ASPH: variants seen among roughly 807,000 people sequenced by gnomAD.
ASPH encodes the protein aspartyl/asparaginyl beta-hydroxylase.
Under a neutral mutation model 118.4 loss-of-function variants are expected in ASPH, and 100 were observed. That is an observed-to-expected ratio of 0.84 (90% CI 0.72 to 1.00). ASPH has a LOEUF of 1.00. ASPH is among the 50% of genes least tolerant of loss of function. The pLI is 0.00. For missense variants in ASPH, 920 were observed against 919.5 expected (o/e 1.00, Z -0.01); for synonymous variants, 315 against 325.6 (o/e 0.97, Z 0.35).
At position 61,706,017 on chromosome 8, in the gene ASPH, T is replaced by C. The variant is rs185480447; in HGVS notation, c.103+8252A>G. 6.9e-3 allele frequency among the ~76,000 whole-genome samples: 1,057 copies of C among 152,314 alleles called. 11 individuals are homozygous for C. Among genetic ancestry groups the C allele is most frequent in the African/African-American group, 0.024 (1,012 of 41,570 alleles). On this transcript the variant is annotated intron_variant, in intron 1 of 24. Coordinates refer to ENST00000379454, the MANE Select transcript of ASPH (RefSeq NM_004318.4). ...TTTAAGTTTCATTAAAAAATGTTAA[T>C]TTAAAAATACTATTGAAAATGTTTT...
rs5891814 is a variant in ASPH at position 61,590,550 on chromosome 8, C to CTGTGTGTG, written c.977-6529_977-6522dup. On this transcript the variant is annotated intron_variant, in intron 14 of 24. Coordinates refer to ENST00000379454, the MANE Select transcript of ASPH (RefSeq NM_004318.4). ...ATTAAATACGGACCTTAATTTAACT[C>CTGTGTGTG]TGTGTGTGTGTGTGTGTGTGTGTGT... Among the ~76,000 whole-genome samples, 69 of 146,798 alleles carry CTGTGTGTG rather than the reference C, an allele frequency of 4.7e-4. 1 individual carries two copies. The highest frequency in any genetic ancestry group is 1.3e-3 in the African/African-American group (52 of 39,514).
intron 5 of ASPH, 140 bp from the exon 6 acceptor site, chr8:61,647,018 TC>T: frequency 1.8e-6 from 2 of 1,092,540 alleles, no homozygotes; most frequent in Non-Finnish European, 2.6e-6. Flanking sequence ...CATTGTCCAC[TC>T]CACAGCTATT....
chr8:61,658,642 T>G (rs1219869175), intron 3 of ASPH: 2 of 152,188 alleles, frequency 1.3e-5, no homozygotes, highest in African/African-American at 4.8e-5. Context: ...ATAATTTAAA[T>G]AAGTATTTTT....
intron 1 of ASPH, among the ~76,000 whole-genome samples, chr8:61,694,839 G>T (rs777240697): frequency 5.9e-5 from 9 of 152,032 alleles, no homozygotes; most frequent in Non-Finnish European, 1.3e-4. Flanking sequence ...CTCAAATTCC[G>T]CATATACACA....
chr8:61,569,654 G>A (rs1345595164), intron 16 of ASPH, among the ~76,000 whole-genome samples: 2 of 152,038 alleles, frequency 1.3e-5, no homozygotes, highest in Non-Finnish European at 2.9e-5. Context: ...CCAAGATGAT[G>A]AGAACTAGAA....
At chr8:61,652,720 A>G (rs142093513) in intron 4 of ASPH, among the ~76,000 whole-genome samples, 1 of 152,196 alleles carries the variant, frequency 6.6e-6, no homozygotes. Flanking sequence ...AAACTTTTTA[A>G]AAGTTACTAT....
chr8:61,524,793 A>G (rs1279307452), intron 22 of ASPH, among the ~76,000 whole-genome samples: 3 of 151,046 alleles, frequency 2.0e-5, no homozygotes, highest in Non-Finnish European at 4.4e-5. Flanking sequence ...TCTAGAAATT[A>G]GTGCTAGGAT....
intron 3 of ASPH, chr8:61,662,935 GC>G: frequency 1.0e-6 from 1 of 985,032 alleles, no homozygotes; most frequent in Non-Finnish European, 1.2e-6. Context: ...TGTATTTTCT[GC>G]CACATAGCCA....
chr8:61,633,151 G>A (rs1365678817), intron 13 of ASPH: 2 of 154,886 alleles, frequency 1.3e-5, no homozygotes, highest in Admixed American at 1.3e-4. Flanking sequence ...AGAGGGCTCA[G>A]GTAGAGGAAA....
At chr8:61,629,410 C>A (rs1385157101) in intron 13 of ASPH, among the ~76,000 whole-genome samples, 1 of 152,114 alleles carries the variant, frequency 6.6e-6, no homozygotes, top group Non-Finnish European at 1.5e-5. Flanking sequence ...TGTCAGATTG[C>A]TACAAATATG....
Position 61,664,491 on chromosome 8 carries a change from G to A in ASPH, c.323-10831C>T, listed in dbSNP as rs920370835. ...ATTCATGGCTATGGCCACAGTTCTC[G>A]GAGCAGTGTATGTGGCACATGGTAA... On this transcript the variant is annotated intron_variant, in intron 3 of 24. Coordinates refer to ENST00000379454, the MANE Select transcript of ASPH (RefSeq NM_004318.4). The A allele has an allele frequency of 3.2e-5, 32 of 984,632 alleles. No individual in the cohort carries two copies. The African/African-American group carries it at 3.8e-4, about 12-fold the overall frequency. 61.0% of individuals were successfully genotyped at this position (984,632 alleles called of 1,614,324 possible). A position where few individuals can be genotyped will look rare whatever the true frequency, so the allele number is the denominator to read the frequency against.
At chr8:61,697,265 G>A (rs1401528254) in intron 1 of ASPH, among the ~76,000 whole-genome samples, 1 of 152,140 alleles carries the variant, frequency 6.6e-6, no homozygotes, top group Non-Finnish European at 1.5e-5. Context: ...TAAGGATATT[G>A]GGAAAACTCT....
At chr8:61,607,010 C>T in intron 14 of ASPH, 1 of 404,220 alleles carries the variant, frequency 2.5e-6, no homozygotes, top group South Asian at 4.4e-5. Flanking sequence ...CATGAAGACT[C>T]CAGTTGCTTT....
chr8:61,579,949 A>T (rs1194209708), intron 15 of ASPH, among the ~76,000 whole-genome samples: 3 of 151,976 alleles, frequency 2.0e-5, no homozygotes, highest in Non-Finnish European at 4.4e-5. Flanking sequence ...AAATTCGCCA[A>T]AACAAAGGGG....
rs7842591 is a variant in ASPH at position 61,662,952 on chromosome 8, C to A, written c.323-9292G>T. 1.1e-3 allele frequency: 1,036 copies of A among 985,310 alleles called. 9 individuals are homozygous for A. The Middle Eastern group carries it at 0.017, about 16-fold the overall frequency. 61.0% of individuals were successfully genotyped at this position (985,310 alleles called of 1,614,324 possible). A position where few individuals can be genotyped will look rare whatever the true frequency, so the allele number is the denominator to read the frequency against. ...TATTTTCTGCCACATAGCCATTGAA[C>A]TTAAAAACTAAGGTAAAAATTACCA... On this transcript the variant is annotated intron_variant, in intron 3 of 24. Coordinates refer to ENST00000379454, the MANE Select transcript of ASPH (RefSeq NM_004318.4).
At chr8:61,566,191 A>G (rs533447125) in intron 17 of ASPH, among the ~76,000 whole-genome samples, 1 of 152,322 alleles carries the variant, frequency 6.6e-6, no homozygotes, top group East Asian at 1.9e-4. Context: ...TAAATGTCAC[A>G]ATATAAAAAC....
chr8:61,651,563 TA>T (rs1399688491), intron 4 of ASPH: 16 of 155,234 alleles, frequency 1.0e-4, no homozygotes, highest in African/African-American at 3.8e-4. Flanking sequence ...GGTCAACCAT[TA>T]CCTATCTTCC....
At chr8:61,638,398 C>CACAATCCTGTG in intron 10 of ASPH, 35 bp from the exon 11 acceptor site, 1 of 1,515,694 alleles carries the variant, frequency 6.6e-7, no homozygotes, top group East Asian at 2.3e-5. Context: ...AATCCCGTAA[C>CACAATCCTGTG]TTTCATTGTA....
intron 18 of ASPH, among the ~76,000 whole-genome samples, chr8:61,557,966 C>T (rs907842930): frequency 3.9e-5 from 6 of 152,220 alleles, no homozygotes; most frequent in Admixed American, 3.3e-4. Flanking sequence ...CTACTGCAGG[C>T]ACACAGCCAT....
Sources: gnomAD v4.1 joint callset for allele counts (sites outside exome capture counted in the v4.1 genomes callset) on GRCh38, gnomAD v4.1.1 for gene constraint, MANE v1.5 for transcripts, NCBI Gene and HGNC (gene_info 2026-07-23, HGNC 2026-07-21) for gene names.